C2CD5: variants seen among roughly 807,000 people sequenced by gnomAD.
C2CD5 encodes C2 domain-containing protein 5.
Under a neutral mutation model 130.3 loss-of-function variants are expected in C2CD5, and 109 were observed. The observed-to-expected ratio is 0.84, with a 90% CI of 0.72 to 0.98. The LOEUF (loss-of-function observed/expected upper bound fraction) is 0.98, where lower values mean the gene tolerates loss of function less well. C2CD5 is among the 50% of genes least tolerant of loss of function. The pLI is 0.00. For synonymous variants in C2CD5, 454 were observed against 429.2 expected (o/e 1.06, Z -0.71); for missense variants, 996 against 1,261.8 (o/e 0.79, Z 3.19).
intron 2 of C2CD5, among the ~76,000 whole-genome samples, chr12:22,536,975 GTTTAA>G (rs1425377539): frequency 3.3e-5 from 5 of 152,082 alleles, no homozygotes; most frequent in Non-Finnish European, 7.4e-5. Flanking sequence ...AATACTTATT[GTTTAA>G]TTTATCTAAA....
chr12:22,504,126 A>G (rs1388299037), intron 10 of C2CD5, among the ~76,000 whole-genome samples: 1 of 151,670 alleles, frequency 6.6e-6, no homozygotes, highest in Admixed American at 6.6e-5. Flanking sequence ...CACAATTAGC[A>G]TGAACTGGCA....
At chr12:22,463,718 C>G (rs2136083047) in intron 22 of C2CD5, 1 of 152,254 alleles carries the variant, frequency 6.6e-6, no homozygotes, top group East Asian at 1.9e-4. Flanking sequence ...ACTATCTATT[C>G]ACTTTATATC....
At chr12:22,479,759 C>T (rs1241718177) in intron 14 of C2CD5, among the ~76,000 whole-genome samples, 2 of 151,984 alleles carry the variant, frequency 1.3e-5, no homozygotes, top group Non-Finnish European at 2.9e-5. Context: ...TACTGGAAAA[C>T]TATCATGGGA....
chr12:22,466,136 T>C (rs887379452), intron 22 of C2CD5, among the ~76,000 whole-genome samples: 1 of 151,888 alleles, frequency 6.6e-6, no homozygotes, highest in Non-Finnish European at 1.5e-5. Flanking sequence ...AAAAAGACAA[T>C]GAAAGGTTTA....
At chr12:22,523,682 A>T (rs2137032804) in intron 6 of C2CD5, 58 bp from the exon 7 acceptor site, 1 of 1,299,258 alleles carries the variant, frequency 7.7e-7, no homozygotes, top group Non-Finnish European at 1.1e-6. Flanking sequence ...ATACTATAAG[A>T]CTGGACATGG....
At chr12:22,519,303 A>T (rs992653664) in intron 7 of C2CD5, 7 of 1,373,482 alleles carry the variant, frequency 5.1e-6, no homozygotes, top group South Asian at 1.4e-5. Flanking sequence ...TTGCAGAGTT[A>T]TGTTAAAATA....
At chr12:22,525,036 T>C (rs1433238569) in intron 5 of C2CD5, among the ~76,000 whole-genome samples, 1 of 152,206 alleles carries the variant, frequency 6.6e-6, no homozygotes, top group African/African-American at 2.4e-5. Context: ...TAAAAGTACT[T>C]CTGTACACCA....
chr12:22,541,448 A>T (rs1245635389), intron 2 of C2CD5, among the ~76,000 whole-genome samples: 1 of 152,198 alleles, frequency 6.6e-6, no homozygotes, highest in Non-Finnish European at 1.5e-5. Flanking sequence ...TCAAACTCTT[A>T]ATCATGGCCT....
chr12:22,512,943 T>C (rs1396516384), intron 9 of C2CD5, among the ~76,000 whole-genome samples: 1 of 152,056 alleles, frequency 6.6e-6, no homozygotes, highest in Non-Finnish European at 1.5e-5. Context: ...GAATTATTTT[T>C]AATATAATAA....
chr12:22,450,913 G>A lies in C2CD5; in HGVS notation c.3025-1022C>T, dbSNP rs145222655. ...AAAGGTAGTCTTTATGTCCTGAAAT[G>A]AAAATGTTGCCAAGAAAAAGCAGGT... On this transcript the variant is annotated intron_variant, in intron 26 of 26. Coordinates refer to ENST00000446597, the MANE Select transcript of C2CD5 (RefSeq NM_001286176.2). Among the ~76,000 whole-genome samples the A allele has an allele frequency of 2.1e-3, 316 of 152,158 alleles. 5 individuals carry two copies. The highest frequency in any genetic ancestry group is 7.2e-3 in the African/African-American group (300 of 41,554).
chr12:22,478,596 A>G (rs1944223937), intron 14 of C2CD5, 119 bp from the exon 15 acceptor site: 1 of 831,406 alleles, frequency 1.2e-6, no homozygotes, highest in Admixed American at 2.6e-5. Flanking sequence ...CTGTAATCCC[A>G]GTACTTTGGG....
intron 10 of C2CD5, among the ~76,000 whole-genome samples, chr12:22,498,732 C>A (rs1235099836): frequency 1.3e-5 from 2 of 152,026 alleles, no homozygotes; most frequent in South Asian, 4.1e-4. Flanking sequence ...TGTTTAAAAA[C>A]CCTTTTAAAA....
At chr12:22,470,359 GGATTTCTTC>G (rs1942827689) in intron 21 of C2CD5, among the ~76,000 whole-genome samples, 1 of 151,980 alleles carries the variant, frequency 6.6e-6, no homozygotes, top group African/African-American at 2.4e-5. Context: ...CCAATAATTT[GGATTTCTTC>G]AGAATATATA....
intron 5 of C2CD5, among the ~76,000 whole-genome samples, chr12:22,524,974 T>C (rs1449796118): frequency 6.6e-6 from 1 of 152,166 alleles, no homozygotes; most frequent in Non-Finnish European, 1.5e-5. Flanking sequence ...TATAAATAGG[T>C]AGAAAGCAGA....
chr12:22,472,160 T>C (rs1943139084), intron 18 of C2CD5, 95 bp from the exon 19 acceptor site: 1 of 853,108 alleles, frequency 1.2e-6, no homozygotes, highest in African/African-American at 1.8e-5. Context: ...TACTAACTAA[T>C]GTAGTAGAAT....
intron 22 of C2CD5, among the ~76,000 whole-genome samples, chr12:22,462,881 G>A (rs1027655303): frequency 1.3e-5 from 2 of 152,088 alleles, no homozygotes; most frequent in Non-Finnish European, 2.9e-5. Context: ...GAGCTCAGGA[G>A]CTCGAGACCA....
chr12:22,481,976 T>C (rs1944792747), intron 14 of C2CD5, among the ~76,000 whole-genome samples: 1 of 151,902 alleles, frequency 6.6e-6, no homozygotes, highest in African/African-American at 2.4e-5. Context: ...TGGCCACAGG[T>C]GCACATTTAT....
intron 22 of C2CD5, among the ~76,000 whole-genome samples, chr12:22,467,822 G>A (rs949386253): frequency 2.0e-5 from 3 of 152,040 alleles, no homozygotes; most frequent in Non-Finnish European, 4.4e-5. Flanking sequence ...ATATCATTTG[G>A]ATACCGTATA....
At chr12:22,538,776 A>C (rs1215803538) in intron 2 of C2CD5, among the ~76,000 whole-genome samples, 1 of 152,180 alleles carries the variant, frequency 6.6e-6, no homozygotes, top group African/African-American at 2.4e-5. Flanking sequence ...AGTTTGTCCT[A>C]GTCACCTGAA....
Sources: gnomAD v4.1 joint callset for allele counts (sites outside exome capture counted in the v4.1 genomes callset) on GRCh38, gnomAD v4.1.1 for gene constraint, MANE v1.5 for transcripts, NCBI Gene and HGNC (gene_info 2026-07-23, HGNC 2026-07-21) for gene names.